Variants in ALOX15B observed in about 807,000 individuals in gnomAD.
ALOX15B encodes polyunsaturated fatty acid lipoxygenase ALOX15B.
ALOX15B carries 74 observed loss-of-function variants against 73.8 expected under a neutral mutation model. The observed-to-expected ratio is 1.00, with a 90% CI of 0.83 to 1.22. ALOX15B has a LOEUF of 1.22. Ranked by LOEUF, ALOX15B falls within the 50% of genes most tolerant of loss-of-function variation. The probability of loss-of-function intolerance (pLI) is 0.00; values close to 1 mark genes in which losing one functional copy is unlikely to be tolerated. For synonymous variants in ALOX15B, 353 were observed against 357.2 expected, an observed-to-expected ratio of 0.99 and a Z score of 0.13; for missense variants, 896 against 859.9, an observed-to-expected ratio of 1.04 and a Z score of -0.52.
At chr17:8,044,744 T>G in intron 5 of ALOX15B, 85 bp from the exon 6 acceptor site, 1 of 1,179,894 alleles carries the variant, frequency 8.5e-7, no homozygotes, top group Non-Finnish European at 1.2e-6. Flanking sequence ...CTGTGGGAGC[T>G]GGGGTAACCC....
intron 11 of ALOX15B, 46 bp from the exon 12 acceptor site, chr17:8,047,518 T>G (rs370551920): frequency 1.3e-6 from 2 of 1,563,936 alleles, no homozygotes; most frequent in Non-Finnish European, 1.7e-6. Context: ...CGCAGCAGGG[T>G]CCTCAGGTCC....
At chr17:8,040,664 A>AAGAAAGAAAG (rs1976441470) in intron 3 of ALOX15B, among the ~76,000 whole-genome samples, 3 of 150,950 alleles carry the variant, frequency 2.0e-5, no homozygotes, top group South Asian at 2.1e-4. Context: ...AAGAAAGAGA[A>AAGAAAGAAAG]AGAAACTGCT....
intron 6 of ALOX15B, 49 bp from the exon 7 acceptor site, chr17:8,045,189 C>G (rs764776424): frequency 6.2e-7 from 1 of 1,612,844 alleles, no homozygotes. Flanking sequence ...ACTGCACCCC[C>G]TTCATTTAGA....
chr17:8,044,875 G>C lies in ALOX15B; in HGVS notation c.723G>C (p.Gln241His), dbSNP rs1976561955. Residue 241 changes from glutamine (Q) to histidine (H), a missense_variant, in exon 6 of 14, where the codon CAG (glutamine) becomes CAC (histidine). Physicochemically the swap from Gln to His is conservative, Grantham distance 24 (BLOSUM62 0). Transcript: ENST00000380183. ...AGGAGGACGCCTTCTTCGCCTCCCA[G>C]TTCCTGAATGGTCTCAACCCTGTCC... Reference protein sequence around the residue: ...HWQEDAFFASQFLNGLNPVLI... With the variant: ...HWQEDAFFASHFLNGLNPVLI... The C allele has an allele frequency of 6.2e-7, 1 of 1,605,872 alleles. No homozygotes were observed. The highest frequency in any genetic ancestry group is 2.3e-5 in the East Asian group (1 of 44,298).
rs371658477 is a variant in ALOX15B, at chr17:8,047,242, C to T, written c.1458-16C>T. 4 of 1,613,800 alleles carry T rather than the reference C, an allele frequency of 2.5e-6. No individual in the cohort carries two copies. In the African/African-American group the frequency reaches 4.0e-5, roughly 16 times the overall value. On this transcript the variant is annotated splice_polypyrimidine_tract_variant and intron_variant, in intron 10 of 13. Transcript: ENST00000380183. ...GTCGGGGTTGGAGGCTGGACCTGAA[C>T]CTGGATGCATTGCAGCTTTGTCTCT...
At chr17:8,041,430 G>C (rs889545007) in intron 3 of ALOX15B, among the ~76,000 whole-genome samples, 1 of 152,266 alleles carries the variant, frequency 6.6e-6, no homozygotes, top group Non-Finnish European at 1.5e-5. Context: ...CTTATAAAAC[G>C]TACAGTGAGG....
intron 5 of ALOX15B, among the ~76,000 whole-genome samples, chr17:8,043,992 C>T (rs1976529715): frequency 1.3e-5 from 2 of 151,766 alleles, no homozygotes; most frequent in Non-Finnish European, 1.5e-5. Flanking sequence ...TTGCTTAAGC[C>T]TGGGAGATGG....
At chr17:8,041,543 G>A (rs936010831) in intron 3 of ALOX15B, among the ~76,000 whole-genome samples, 1 of 152,168 alleles carries the variant, frequency 6.6e-6, no homozygotes, top group African/African-American at 2.4e-5. Flanking sequence ...TGAGAGGAAG[G>A]GTTTGGCCAC....
Position 8,039,525 on chromosome 17 carries a change from CGCCGCGGGGCG to C in ALOX15B, c.291_301del (p.Arg98ProfsTer63), listed in dbSNP as rs1412197007. 1.9e-6 allele frequency: 3 copies of C among 1,551,588 alleles called. No individual in the cohort carries two copies. The highest frequency in any genetic ancestry group is 1.9e-5 in the Admixed American group (1 of 52,620). On this transcript the variant is annotated frameshift_variant, in exon 2 of 14. Transcript: ENST00000380183. LOFTEE classifies it high-confidence loss of function. ...TTCTGCCGCTGGTTCCAGCTGACAC[CGCCGCGGGGCG>C]GCCACCTCCTCTTCCCCTGCTACCA... is the stretch of plus-strand genomic sequence containing the variant.
Position 8,048,705 on chromosome 17 carries a change from CCCA to C in ALOX15B, c.*147_*149del, listed in dbSNP as rs997508767. On this transcript the variant is annotated 3_prime_UTR_variant, in exon 14 of 14. Coordinates refer to ENST00000380183, the MANE Select transcript of ALOX15B (RefSeq NM_001141.3). Reference sequence around the variant, plus strand: ...GGACAACCAGACTCTGTAACTCACCCCCACCACCATACACACACACAAAAACAG... The same window carrying C: ...GGACAACCAGACTCTGTAACTCACCCCCACCATACACACACACAAAAACAG... The C allele has an allele frequency of 2.3e-6, 2 of 853,832 alleles. No individual in the cohort carries two copies. The highest frequency in any genetic ancestry group is 3.5e-6 in the Non-Finnish European group (2 of 570,250). The allele number at this position is 853,832 out of a possible 1,614,324, so 52.9% of individuals were successfully genotyped here. A position where few individuals can be genotyped will look rare whatever the true frequency, so the allele number is the denominator to read the frequency against.
At chr17:8,046,646 C>T (rs530174721) in intron 8 of ALOX15B, 22 bp from the exon 9 acceptor site, 1 of 1,610,106 alleles carries the variant, frequency 6.2e-7, no homozygotes, top group Non-Finnish European at 8.5e-7. Context: ...TCCCCTAGCT[C>T]TGCCATTTTC....
chr17:8,039,485 G>A lies in ALOX15B; in HGVS notation c.247G>A (p.Ala83Thr). The A allele has an allele frequency of 3.2e-6, 5 of 1,585,212 alleles. No homozygotes were observed. The highest frequency in any genetic ancestry group is 4.3e-6 in the Non-Finnish European group (5 of 1,167,862). ...AGTGCTGCCCCTGCTGGGGCCCCTG[G>A]CCCCGGATGCCTGGTTCTGCCGCTG... ...PPVLPLLGPL[A>T]PDAWFCRWFQ... The change falls in exon 2 of 14, where the codon GCC (alanine) becomes ACC (threonine). Residue 83 changes from alanine to threonine, a missense_variant. Transcript: ENST00000380183.
Position 8,047,035 on chromosome 17 carries a change from C to T in ALOX15B, c.1416C>T (p.Tyr472=), listed in dbSNP as rs1369496045. Reference sequence around the variant, plus strand: ...GAGTTGAAGACATCCCAGGCTACTACTACCGTGATGATGGGATGCAGATCT... The same window carrying T: ...GAGTTGAAGACATCCCAGGCTACTATTACCGTGATGATGGGATGCAGATCT... The part of the protein sequence containing the change: ...TRGVEDIPGY[Y]YRDDGMQIWG... Residue 472 remains tyrosine (Y), a synonymous_variant, in exon 10 of 14, where the codon TAC becomes TAT. Transcript: ENST00000380183. The T allele has an allele frequency of 1.2e-6, 2 of 1,613,914 alleles. No individual in the cohort carries two copies. The highest frequency in any genetic ancestry group is 3.3e-5 in the Admixed American group (2 of 59,994).
intron 10 of ALOX15B, 57 bp from the exon 11 acceptor site, chr17:8,047,201 G>T (rs1976633487): frequency 1.9e-6 from 3 of 1,611,230 alleles, no homozygotes; most frequent in Admixed American, 1.7e-5. Flanking sequence ...CTAAGCAGAG[G>T]CATTCCTCAG....
In ALOX15B at chr17:8,047,583, G is replaced by C; in HGVS notation, c.1599G>C (p.Glu533Asp). Residue 533 changes from glutamate to aspartate, a missense_variant, in exon 12 of 14, where the codon GAG becomes GAC. Physicochemically the swap from Glu to Asp is conservative, Grantham distance 45. Transcript: ENST00000380183. ...TTGCAGGTATACCCTCCTCACTGGA[G>C]ACCCGGGAAGCCCTGGTGCAGTATG... is the stretch of plus-strand genomic sequence containing the variant. ...QESSGIPSSLETREALVQYVT... is the reference protein window; with the variant it reads ...QESSGIPSSLDTREALVQYVT... The C allele has an allele frequency of 6.2e-7, 1 of 1,607,594 alleles. No individual in the cohort carries two copies. The highest frequency in any genetic ancestry group is 8.5e-7 in the Non-Finnish European group (1 of 1,177,072).
intron 3 of ALOX15B, among the ~76,000 whole-genome samples, chr17:8,041,322 G>A (rs1976458241): frequency 2.0e-5 from 3 of 152,210 alleles, no homozygotes; most frequent in Admixed American, 6.5e-5. Context: ...TGAGAAAATG[G>A]TTAAGAATGT....
rs138396830 is a variant in ALOX15B, at chr17:8,047,934, G to T, written c.1851+19G>T. 6.2e-7 allele frequency: 1 copy of T among 1,611,976 alleles called. No individual in the cohort carries two copies. The highest frequency in any genetic ancestry group is 8.5e-7 in the Non-Finnish European group (1 of 1,178,928). On this transcript the variant is annotated intron_variant, in intron 13 of 13. Transcript: ENST00000380183. ...AGACCAAGTGAGTGTGGGGCTGGGG[G>T]CCAGGCTGGGCCAAATTGGGGTAAG...
At chr17:8,047,166 G>A in intron 10 of ALOX15B, 90 bp downstream of exon 10, 2 of 1,607,026 alleles carry the variant, frequency 1.2e-6, no homozygotes, top group South Asian at 1.1e-5. Context: ...CTCACGTTGA[G>A]GAGGAGGGCC....
rs370141751 is a variant in ALOX15B at position 8,039,455 on chromosome 17, C to T, written c.217C>T (p.Pro73Ser). 4 of 1,607,300 alleles carry T rather than the reference C, an allele frequency of 2.5e-6. No individual in the cohort carries two copies. Among genetic ancestry groups the T allele is most frequent in the South Asian group, 1.1e-5 (1 of 90,322 alleles). ...RVLLLRVHKAPPVLPLLGPLA... is the reference protein window; with the variant it reads ...RVLLLRVHKASPVLPLLGPLA... ...GCTGCTGCTGCGCGTGCACAAGGCGCCCCCAGTGCTGCCCCTGCTGGGGCC... is the reference window on the plus strand; with the variant it reads ...GCTGCTGCTGCGCGTGCACAAGGCGTCCCCAGTGCTGCCCCTGCTGGGGCC... The change falls in exon 2 of 14, where the codon CCC becomes TCC. Residue 73 changes from proline (P) to serine (S), a missense_variant. Pro to Ser is a moderately conservative substitution (Grantham distance 74). Coordinates refer to ENST00000380183, the MANE Select transcript of ALOX15B (RefSeq NM_001141.3).
Sources: gnomAD v4.1 joint callset for allele counts (sites outside exome capture counted in the v4.1 genomes callset) on GRCh38, gnomAD v4.1.1 for gene constraint, MANE v1.5 for transcripts, NCBI Gene and HGNC (gene_info 2026-07-23, HGNC 2026-07-21) for gene names.